MEIG1: variants seen among roughly 807,000 people sequenced by gnomAD.
The protein encoded by MEIG1 is meiosis expressed gene 1 protein homolog.
In MEIG1, 12 loss-of-function variants were observed where a neutral mutation model predicts 11.3. The ratio of observed to expected loss-of-function variants is 1.07; its 90% CI spans 0.68 to 1.73. The LOEUF (loss-of-function observed/expected upper bound fraction) is 1.73, where lower values mean the gene tolerates loss of function less well. MEIG1 is among the 40% of genes most tolerant of loss of function. MEIG1 has a pLI of 0.00. For synonymous variants in MEIG1, 41 were observed against 33.2 expected (o/e 1.24, Z -0.81); for missense variants, 119 against 104.9 (o/e 1.13, Z -0.59).
At chr10:14,960,511 C>T (rs1335989981) in intron 1 of MEIG1, among the ~76,000 whole-genome samples, 1 of 151,976 alleles carries the variant, frequency 6.6e-6, no homozygotes, top group African/African-American at 2.4e-5. Flanking sequence ...CTCCGCCTCC[C>T]GGGTTCACGC....
chr10:14,987,686 A>G (rs1843332761), intron 2 of MEIG1: 1 of 334,628 alleles, frequency 3.0e-6, no homozygotes, highest in Non-Finnish European at 5.6e-6. Context: ...GAATATCAGA[A>G]GACCAAAACG....
chr10:14,971,101 A>T (rs1176698071), intron 2 of MEIG1, among the ~76,000 whole-genome samples: 1 of 152,006 alleles, frequency 6.6e-6, no homozygotes, highest in Non-Finnish European at 1.5e-5. Flanking sequence ...GAATGGTAGG[A>T]GATGACTGGG....
intron 1 of MEIG1, among the ~76,000 whole-genome samples, chr10:14,981,444 T>C (rs1361752907): frequency 1.3e-5 from 2 of 152,160 alleles, no homozygotes; most frequent in African/African-American, 2.4e-5. Flanking sequence ...GATGTCCTCC[T>C]ACAGTACAAG....
At chr10:14,964,589 A>ATATATATG (rs1843056047) in intron 1 of MEIG1, among the ~76,000 whole-genome samples, 5 of 103,602 alleles carry the variant, frequency 4.8e-5, no homozygotes, top group African/African-American at 2.0e-4. Context: ...GTGTGTGTAT[A>ATATATATG]TATATATATA....
At position 14,966,558 on chromosome 10, in the gene MEIG1, A is replaced by G. The variant is rs778085240; in HGVS notation, c.90A>G (p.Ala30=). ...EIENLYRFQQ[A]GYRDETEYRQ... Reference sequence around the variant, plus strand: ...AAAATCTGTACAGATTTCAACAAGCAGGATATCGGGATGAAACCGAATATA... The same window carrying G: ...AAAATCTGTACAGATTTCAACAAGCGGGATATCGGGATGAAACCGAATATA... Residue 30 remains alanine (A), a synonymous_variant, in exon 2 of 3, where the codon GCA becomes GCG. Transcript: ENST00000407572. 5 of 1,612,714 alleles carry G rather than the reference A, an allele frequency of 3.1e-6. No homozygotes were observed. The South Asian group carries it at 5.5e-5, about 18-fold the overall frequency.
intron 1 of MEIG1, among the ~76,000 whole-genome samples, chr10:14,984,421 A>G (rs1230388304): frequency 6.6e-6 from 1 of 152,100 alleles, no homozygotes; most frequent in Non-Finnish European, 1.5e-5. Flanking sequence ...GGGAATGTTA[A>G]TCATGTTGTC....
chr10:14,984,346 T>C (rs1843296734), intron 1 of MEIG1, among the ~76,000 whole-genome samples: 1 of 152,106 alleles, frequency 6.6e-6, no homozygotes, highest in Non-Finnish European at 1.5e-5. Flanking sequence ...TTCCATTTTC[T>C]AGCAACATGC....
intron 2 of MEIG1, among the ~76,000 whole-genome samples, chr10:14,970,030 A>C (rs1158924028): frequency 6.6e-6 from 1 of 152,206 alleles, no homozygotes; most frequent in Admixed American, 6.5e-5. Flanking sequence ...CAATCCCCAG[A>C]GAGGGCTTAG....
Position 14,983,954 on chromosome 10 carries a change from G to A in MEIG1, n.67-2842G>A, listed in dbSNP as rs576278924. Among the ~76,000 whole-genome samples the A allele has an allele frequency of 1.4e-4, 21 of 152,176 alleles. 1 individual carries two copies. Among genetic ancestry groups the A allele is most frequent in the Admixed American group, 1.2e-3 (18 of 15,292 alleles). On this transcript the variant is annotated intron_variant and non_coding_transcript_variant, in intron 1 of 2. Coordinates refer to the MEIG1 transcript ENST00000467536. ...CAGTGATATTGTTCCTAATGTCAACGTGGGAGAGGATGATACTACACCCAA... is the reference window on the plus strand; with the variant it reads ...CAGTGATATTGTTCCTAATGTCAACATGGGAGAGGATGATACTACACCCAA...
intron 2 of MEIG1, 108 bp from the exon 3 acceptor site, chr10:14,972,405 C>A: frequency 7.0e-7 from 1 of 1,418,956 alleles, no homozygotes; most frequent in South Asian, 1.2e-5. Flanking sequence ...AAAATCTAAT[C>A]TTATACTTTG....
Position 14,981,144 on chromosome 10 carries a change from G to A in MEIG1, n.67-5652G>A, listed in dbSNP as rs937456959. On this transcript the variant is annotated intron_variant and non_coding_transcript_variant, in intron 1 of 2. Coordinates refer to the MEIG1 transcript ENST00000467536. Reference sequence around the variant, plus strand: ...GACCGGGTCCTGTTTTTGCCTAAGCGGCTGGGCCCCAGTCTTAACTGGCCA... The same window carrying A: ...GACCGGGTCCTGTTTTTGCCTAAGCAGCTGGGCCCCAGTCTTAACTGGCCA... Among the ~76,000 whole-genome samples, 8 of 151,790 alleles carry A rather than the reference G, an allele frequency of 5.3e-5. No individual in the cohort carries two copies. In the East Asian group the frequency reaches 1.6e-3, roughly 30 times the overall value.
downstream of MEIG1, among the ~76,000 whole-genome samples, chr10:14,975,087 G>A (rs183907148): frequency 1.1e-4 from 17 of 152,080 alleles, no homozygotes; most frequent in East Asian, 2.9e-3. Flanking sequence ...GGCGTATGAC[G>A]TTACTCCCAA....
intron 1 of MEIG1, among the ~76,000 whole-genome samples, chr10:14,982,596 C>G (rs1690709976): frequency 6.6e-6 from 1 of 151,678 alleles, no homozygotes; most frequent in African/African-American, 2.4e-5. Flanking sequence ...ACAAAAACAG[C>G]CTCTCCACCA....
chr10:14,969,257 G>A (rs1304268891), intron 2 of MEIG1, among the ~76,000 whole-genome samples: 1 of 151,612 alleles, frequency 6.6e-6, no homozygotes, highest in South Asian at 2.1e-4. Context: ...GACCAGTCTG[G>A]GTGACATAGT....
downstream of MEIG1, chr10:14,972,864 T>C (rs1843168507): frequency 2.7e-6 from 1 of 368,100 alleles, no homozygotes; most frequent in Non-Finnish European, 4.9e-6. Context: ...CTGCTCTTTT[T>C]GTCCATTTTA....
At chr10:14,957,996 T>C (rs1293126814), upstream of MEIG1, among the ~76,000 whole-genome samples, 1 of 152,166 alleles carries the variant, frequency 6.6e-6, no homozygotes, top group Admixed American at 6.5e-5. Flanking sequence ...GACAACAGAC[T>C]ACAGAGGGGG....
chr10:14,984,057 T>A (rs1175152722), intron 1 of MEIG1, among the ~76,000 whole-genome samples: 1 of 151,798 alleles, frequency 6.6e-6, no homozygotes, highest in Non-Finnish European at 1.5e-5. Context: ...CGGCAAAGAG[T>A]GCAGAGGATG....
downstream of MEIG1, among the ~76,000 whole-genome samples, chr10:14,977,398 C>T (rs779454175): frequency 1.3e-5 from 2 of 151,630 alleles, no homozygotes; most frequent in South Asian, 2.1e-4. Context: ...TGCGTGTACA[C>T]GTGATATTAT....
chr10:14,969,991 A>G (rs1843131242), intron 2 of MEIG1, among the ~76,000 whole-genome samples: 1 of 152,244 alleles, frequency 6.6e-6, no homozygotes, highest in Non-Finnish European at 1.5e-5. Context: ...AGGGATTTAG[A>G]GGAAAACAAA....
Sources: gnomAD v4.1 joint callset for allele counts (sites outside exome capture counted in the v4.1 genomes callset) on GRCh38, gnomAD v4.1.1 for gene constraint, MANE v1.5 for transcripts, NCBI Gene and HGNC (gene_info 2026-07-23, HGNC 2026-07-21) for gene names.